RIMS2: variants seen among roughly 807,000 people sequenced by gnomAD.
RIMS2 encodes the protein regulating synaptic membrane exocytosis 2.
A neutral mutation model predicts 174.4 loss-of-function variants in RIMS2; 59 were observed. The ratio of observed to expected loss-of-function variants is 0.34; its 90% confidence interval spans 0.27 to 0.42. RIMS2 has a LOEUF of 0.42. RIMS2 is among the 10% of genes least tolerant of loss of function. The pLI is 1.00. For synonymous variants in RIMS2, 606 were observed against 572.5 expected, an observed-to-expected ratio of 1.06 and a Z score of -0.84; for missense variants, 1,620 against 1,666.3, an observed-to-expected ratio of 0.97 and a Z score of 0.48.
intron 1 of RIMS2, among the ~76,000 whole-genome samples, chr8:103,576,674 A>G (rs550211996): frequency 6.6e-6 from 1 of 152,364 alleles, no homozygotes; most frequent in African/African-American, 2.4e-5. Context: ...ACTTCAAACT[A>G]TACTACAAGG....
intron 1 of RIMS2, among the ~76,000 whole-genome samples, chr8:103,676,523 C>T (rs186698246): frequency 6.6e-6 from 1 of 151,918 alleles, no homozygotes; most frequent in Admixed American, 6.6e-5. Flanking sequence ...AAAAGTTAAG[C>T]AGATTCAATT....
chr8:103,562,332 A>T (rs1299525811), intron 1 of RIMS2, among the ~76,000 whole-genome samples: 1 of 152,254 alleles, frequency 6.6e-6, no homozygotes, highest in Non-Finnish European at 1.5e-5. Flanking sequence ...GAGTACAGAC[A>T]TTGAATAAAT....
intron 2 of RIMS2, among the ~76,000 whole-genome samples, chr8:103,759,437 C>T (rs1238837703): frequency 1.3e-5 from 2 of 151,870 alleles, no homozygotes; most frequent in Middle Eastern, 3.4e-3. Flanking sequence ...TGGCGGTGGG[C>T]GCCTGTAGTC....
At chr8:104,243,919 C>T (rs933254984) in intron 19 of RIMS2, among the ~76,000 whole-genome samples, 5 of 152,116 alleles carry the variant, frequency 3.3e-5, no homozygotes, top group African/African-American at 9.7e-5. Context: ...AACCCACTCC[C>T]CCATTACTTT....
rs1037737358 is a variant in RIMS2, at chr8:103,597,781, C to A, written c.176+96719C>A. On this transcript the variant is annotated intron_variant, in intron 1 of 23. Coordinates refer to ENST00000504942, the Ensembl canonical transcript of RIMS2. Reference sequence around the variant, plus strand: ...ACCTTATGAATATTCTGAAAGTTGTCCAGAGGTTATAAGCTATAATCATCT... The same window carrying A: ...ACCTTATGAATATTCTGAAAGTTGTACAGAGGTTATAAGCTATAATCATCT... Among the ~76,000 whole-genome samples, 7 of 151,672 alleles carry A rather than the reference C, an allele frequency of 4.6e-5. No homozygotes were observed. In the East Asian group the frequency reaches 5.8e-4, roughly 13 times the overall value.
chr8:104,191,591 T>G (rs2098998103), intron 19 of RIMS2, among the ~76,000 whole-genome samples: 1 of 152,138 alleles, frequency 6.6e-6, no homozygotes. Flanking sequence ...TTAGAAGCTT[T>G]AGCCGTTTCA....
intron 3 of RIMS2, among the ~76,000 whole-genome samples, chr8:103,801,133 C>T (rs2098604813): frequency 6.6e-6 from 1 of 152,074 alleles, no homozygotes; most frequent in Non-Finnish European, 1.5e-5. Flanking sequence ...TACAGGTGCA[C>T]ACCACCACAC....
intron 3 of RIMS2, among the ~76,000 whole-genome samples, chr8:103,852,471 A>T (rs969059963): frequency 2.6e-5 from 4 of 151,134 alleles, no homozygotes; most frequent in Admixed American, 6.6e-5. Context: ...GTTTGTGCTC[A>T]ATTGCAGTAT....
intron 19 of RIMS2, among the ~76,000 whole-genome samples, chr8:104,177,742 A>C (rs544114434): frequency 5.6e-4 from 85 of 152,302 alleles, no homozygotes; most frequent in African/African-American, 1.9e-3. Context: ...TCTATTGGCT[A>C]TATATTGTCC....
At chr8:103,965,516 AT>A (rs1177651108) in intron 15 of RIMS2, among the ~76,000 whole-genome samples, 1 of 152,164 alleles carries the variant, frequency 6.6e-6, no homozygotes, top group African/African-American at 2.4e-5. Flanking sequence ...ATAATCACTT[AT>A]TAGTTCCTGG....
At chr8:103,789,210 A>G (rs2098473329) in intron 3 of RIMS2, among the ~76,000 whole-genome samples, 1 of 151,958 alleles carries the variant, frequency 6.6e-6, no homozygotes, top group African/African-American at 2.4e-5. Flanking sequence ...CCTCAGATGG[A>G]AATGCAGAAA....
intron 8 of RIMS2, 136 bp from the exon 12 acceptor site, chr8:103,918,305 T>G (rs2076976663): frequency 3.9e-6 from 2 of 510,950 alleles, no homozygotes; most frequent in Non-Finnish European, 3.5e-6. Context: ...TGTTTCTTAT[T>G]TATATAATGC....
chr8:103,607,164 G>A (rs1433584950), intron 1 of RIMS2, among the ~76,000 whole-genome samples: 2 of 152,132 alleles, frequency 1.3e-5, no homozygotes, highest in African/African-American at 4.8e-5. Context: ...CATGTGTAGT[G>A]CTTCCTTCAG....
chr8:103,977,546 C>T (rs1412052188), intron 16 of RIMS2: 1 of 152,140 alleles, frequency 6.6e-6, no homozygotes, highest in Non-Finnish European at 1.5e-5. Flanking sequence ...GGGATTTTTT[C>T]CCACACCAAG....
intron 19 of RIMS2, among the ~76,000 whole-genome samples, chr8:104,227,448 TA>T (rs1405790474): frequency 1.3e-5 from 2 of 152,136 alleles, no homozygotes; most frequent in African/African-American, 4.8e-5. Flanking sequence ...AGGATATTAC[TA>T]TGTGTAGAGT....
chr8:103,734,014 CTTTT>C (rs59348302), intron 2 of RIMS2, among the ~76,000 whole-genome samples: 67 of 85,732 alleles, frequency 7.8e-4, no homozygotes, highest in African/African-American at 2.3e-3. Context: ...CTAAAAGCTT[CTTTT>C]TTTTTTTTTT....
At chr8:104,240,307 A>G (rs905986291) in intron 19 of RIMS2, among the ~76,000 whole-genome samples, 50 of 152,312 alleles carry the variant, frequency 3.3e-4, no homozygotes, top group African/African-American at 1.0e-3. Context: ...TTTTCTTTCT[A>G]TAGACCTTCA....
intron 2 of RIMS2, among the ~76,000 whole-genome samples, chr8:103,751,480 T>C (rs2097890727): frequency 6.6e-6 from 1 of 151,760 alleles, no homozygotes; most frequent in Non-Finnish European, 1.5e-5. Flanking sequence ...GATGTCTGGG[T>C]CAAATGGTAT....
At chr8:104,183,867 G>A (rs540778932) in intron 19 of RIMS2, among the ~76,000 whole-genome samples, 4 of 151,606 alleles carry the variant, frequency 2.6e-5, no homozygotes, top group South Asian at 2.1e-4. Flanking sequence ...GTGGTAGATC[G>A]ACTTATCTTT....
Sources: allele counts gnomAD v4.1 joint callset (sites outside exome capture counted in the v4.1 genomes callset), GRCh38; gene constraint gnomAD v4.1.1; transcripts MANE v1.5; gene names NCBI Gene and HGNC (gene_info 2026-07-23, HGNC 2026-07-21).